Variants in DGLUCY observed in about 807,000 individuals in gnomAD.
The protein encoded by DGLUCY is D-glutamate cyclase.
A neutral mutation model predicts 58.5 loss-of-function variants in DGLUCY; 58 were observed. The observed-to-expected ratio is 0.99, with a 90% CI of 0.80 to 1.23. The LOEUF is 1.23. Ranked by LOEUF, DGLUCY falls within the 50% of genes most tolerant of loss-of-function variation. The pLI is 0.00. For missense variants in DGLUCY, 779 were observed against 784.7 expected, an observed-to-expected ratio of 0.99 and a Z score of 0.09; for synonymous variants, 325 against 314.1, an observed-to-expected ratio of 1.03 and a Z score of -0.37.
At chr14:91,219,115 G>A (rs1887044783) in intron 13 of DGLUCY, among the ~76,000 whole-genome samples, 1 of 152,004 alleles carries the variant, frequency 6.6e-6, no homozygotes, top group East Asian at 1.9e-4. Flanking sequence ...GGGAGGCGGA[G>A]GTTGCAGTGA....
chr14:91,212,783 A>G (rs1185346686), intron 12 of DGLUCY, among the ~76,000 whole-genome samples: 1 of 151,714 alleles, frequency 6.6e-6, no homozygotes, highest in African/African-American at 2.4e-5. Flanking sequence ...CAGGCAGATC[A>G]CGAGGTTAGG....
intron 1 of DGLUCY, among the ~76,000 whole-genome samples, chr14:91,115,995 T>G (rs1165075563): frequency 6.6e-6 from 1 of 152,194 alleles, no homozygotes; most frequent in Non-Finnish European, 1.5e-5. Context: ...AGATTGCTGC[T>G]CCTTCTGGTT....
intron 2 of DGLUCY, among the ~76,000 whole-genome samples, chr14:91,159,985 ACT>A (rs1356222961): frequency 6.6e-6 from 1 of 151,830 alleles, no homozygotes; most frequent in Non-Finnish European, 1.5e-5. Context: ...TTTGGAGAAG[ACT>A]CTGCAGCTCC....
chr14:91,221,231 C>A (rs1887444421), intron 13 of DGLUCY, among the ~76,000 whole-genome samples: 2 of 152,328 alleles, frequency 1.3e-5, no homozygotes, highest in Admixed American at 6.5e-5. Flanking sequence ...CCCTGTTATT[C>A]ACATGCCCAG....
At chr14:91,076,914 G>A (rs2044030833) in intron 1 of DGLUCY, among the ~76,000 whole-genome samples, 1 of 152,102 alleles carries the variant, frequency 6.6e-6, no homozygotes, top group African/African-American at 2.4e-5. Flanking sequence ...CTAACAGCCT[G>A]GACACAGGGC....
intron 1 of DGLUCY, among the ~76,000 whole-genome samples, chr14:91,081,452 G>A (rs1271674770): frequency 2.0e-5 from 3 of 152,204 alleles, no homozygotes; most frequent in Non-Finnish European, 4.4e-5. Flanking sequence ...TTTCCAAAGG[G>A]TGATATTTTA....
chr14:91,100,159 C>A (rs2044463273), intron 1 of DGLUCY, among the ~76,000 whole-genome samples: 1 of 151,796 alleles, frequency 6.6e-6, no homozygotes, highest in South Asian at 2.1e-4. Context: ...GTTCAATATT[C>A]ATCCTGACCC....
intron 9 of DGLUCY, among the ~76,000 whole-genome samples, chr14:91,192,543 G>T (rs928966398): frequency 3.3e-5 from 5 of 152,144 alleles, no homozygotes; most frequent in African/African-American, 1.2e-4. Flanking sequence ...ACCGAGACAG[G>T]CAGATCGCTT....
At chr14:91,135,663 A>AAC (rs1377035325) in intron 1 of DGLUCY, among the ~76,000 whole-genome samples, 3 of 150,678 alleles carry the variant, frequency 2.0e-5, no homozygotes, top group Admixed American at 6.6e-5. Context: ...TAAAAAAAAA[A>AAC]AAAAAAAAAA....
At chr14:91,085,221 CAAAAAAAAAAA>C (rs745438426) in intron 1 of DGLUCY, among the ~76,000 whole-genome samples, 1 of 89,286 alleles carries the variant, frequency 1.1e-5, no homozygotes, top group East Asian at 4.1e-4. Context: ...AACCCTGTCT[CAAAAAAAAAAA>C]AAAAAAAAAG....
intron 1 of DGLUCY, among the ~76,000 whole-genome samples, chr14:91,117,465 CTG>C (rs1312259971): frequency 1.4e-4 from 22 of 152,176 alleles, no homozygotes; most frequent in African/African-American, 5.1e-4. Flanking sequence ...TTGGGCTTGA[CTG>C]CTGGTTTGGC....
chr14:91,213,327 C>T (rs1025415386), intron 12 of DGLUCY, among the ~76,000 whole-genome samples: 2 of 151,638 alleles, frequency 1.3e-5, no homozygotes, highest in Non-Finnish European at 2.9e-5. Flanking sequence ...CCCAGCTACT[C>T]GGGAGGCTGA....
upstream of DGLUCY, among the ~76,000 whole-genome samples, chr14:91,104,883 T>C (rs928318991): frequency 6.6e-6 from 1 of 152,256 alleles, no homozygotes; most frequent in African/African-American, 2.4e-5. Context: ...CTCAGTTTTT[T>C]CTTTGGTGAA....
At chr14:91,092,004 C>G (rs1479202384) in intron 1 of DGLUCY, among the ~76,000 whole-genome samples, 1 of 152,166 alleles carries the variant, frequency 6.6e-6, no homozygotes, top group Non-Finnish European at 1.5e-5. Flanking sequence ...AAACCCTTGA[C>G]TCCAGGCAGG....
At chr14:91,162,683 G>A (rs987813494) in intron 3 of DGLUCY, among the ~76,000 whole-genome samples, 1 of 152,154 alleles carries the variant, frequency 6.6e-6, no homozygotes, top group Non-Finnish European at 1.5e-5. Flanking sequence ...GATCACCTGA[G>A]GTCAGGCATT....
Position 91,225,022 on chromosome 14 carries a change from A to G in DGLUCY, c.*189A>G. ...TTAGTGCAGGTGCTGTGGACAAAGG[A>G]CAACATTTCTCTGGGGCTTTTTAAC... On this transcript the variant is annotated 3_prime_UTR_variant, in exon 14 of 14. Coordinates refer to ENST00000256324, the MANE Select transcript of DGLUCY (RefSeq NM_001102368.3). The G allele has an allele frequency of 1.9e-6, 1 of 526,090 alleles. No individual in the cohort carries two copies. Among genetic ancestry groups the G allele is most frequent in the Non-Finnish European group, 3.1e-6 (1 of 322,178 alleles). 32.6% of individuals were successfully genotyped at this position (526,090 alleles called of 1,614,324 possible). A position where few individuals can be genotyped will look rare whatever the true frequency, so the allele number is the denominator to read the frequency against.
Position 91,188,992 on chromosome 14 carries a change from C to T in DGLUCY, c.1017C>T (p.Leu339=), listed in dbSNP as rs941115093. ...CGCTGTCCCATGCCCGCTCAGTGCT[C>T]ATCACCACTGGGTTCCCCACACATT... The part of the protein sequence containing the change: ...SLSLSHARSV[L]ITTGFPTHFN... The change falls in exon 9 of 14, where the codon CTC becomes CTT. Residue 339 remains leucine (L), a synonymous_variant. Transcript: ENST00000256324. 2.5e-6 allele frequency: 4 copies of T among 1,614,056 alleles called. No homozygotes were observed. Among genetic ancestry groups the T allele is most frequent in the Non-Finnish European group, 3.4e-6 (4 of 1,180,034 alleles).
chr14:91,095,458 G>A (rs2044378986), intron 1 of DGLUCY, among the ~76,000 whole-genome samples: 1 of 152,170 alleles, frequency 6.6e-6, no homozygotes, highest in South Asian at 2.1e-4. Context: ...ACACGTGAAG[G>A]CAAGTGGCTA....
upstream of DGLUCY, among the ~76,000 whole-genome samples, chr14:91,106,568 A>G (rs2044595617): frequency 6.6e-6 from 1 of 151,916 alleles, no homozygotes; most frequent in African/African-American, 2.4e-5. Flanking sequence ...TTAGCCAGGC[A>G]TGGTGATGTG....
Sources: allele counts gnomAD v4.1 joint callset (sites outside exome capture counted in the v4.1 genomes callset), GRCh38; gene constraint gnomAD v4.1.1; transcripts MANE v1.5; gene names NCBI Gene and HGNC (gene_info 2026-07-23, HGNC 2026-07-21).